UBE2O: variants seen among roughly 807,000 people sequenced by gnomAD.
The protein encoded by UBE2O is ubiquitin conjugating enzyme E2 O.
Under a neutral mutation model 125.8 loss-of-function variants are expected in UBE2O, and 15 were observed. That is an observed-to-expected ratio of 0.12 (90% CI 0.08 to 0.18). The LOEUF (loss-of-function observed/expected upper bound fraction) is 0.18, where lower values mean the gene tolerates loss of function less well. UBE2O is among the 10% of genes least tolerant of loss of function. UBE2O has a pLI of 1.00. For synonymous variants in UBE2O, 708 were observed against 703.2 expected, an observed-to-expected ratio of 1.01 and a Z score of -0.11; for missense variants, 1,280 against 1,723.6, an observed-to-expected ratio of 0.74 and a Z score of 4.56.
At chr17:76,420,513 C>CA (rs1333109499) in intron 1 of UBE2O, among the ~76,000 whole-genome samples, 2 of 152,270 alleles carry the variant, frequency 1.3e-5, no homozygotes, top group East Asian at 3.9e-4. Context: ...ACCCTACATG[C>CA]AGGCCAGGAG....
At chr17:76,401,182 C>T in intron 5 of UBE2O, 28 bp from the exon 6 acceptor site, 2 of 1,610,400 alleles carry the variant, frequency 1.2e-6, no homozygotes, top group Non-Finnish European at 1.7e-6. Flanking sequence ...AAAGGAAAGT[C>T]CCCGTGAGCG....
chr17:76,433,214 G>GGATACACAA (rs2072931233), intron 1 of UBE2O, among the ~76,000 whole-genome samples: 1 of 151,588 alleles, frequency 6.6e-6, no homozygotes, highest in Non-Finnish European at 1.5e-5. Context: ...ACTAATGAAT[G>GGATACACAA]GATACACAAA....
chr17:76,393,081 G>A (rs1484836801), intron 15 of UBE2O, among the ~76,000 whole-genome samples: 1 of 151,486 alleles, frequency 6.6e-6, no homozygotes, highest in African/African-American at 2.4e-5. Flanking sequence ...CAACATAGTG[G>A]GACCCTATCT....
chr17:76,405,377 C>T lies in UBE2O; in HGVS notation c.478-61G>A. 1 of 1,540,810 alleles carries T rather than the reference C, an allele frequency of 6.5e-7. No individual in the cohort carries two copies. Among genetic ancestry groups the T allele is most frequent in the Non-Finnish European group, 8.9e-7 (1 of 1,123,672 alleles). Reference sequence around the variant, plus strand: ...CAGCAGCCCTGGTCACCAGGGGAGACCCAGCCCAGGCAACCCCAGCGCACC... The same window carrying T: ...CAGCAGCCCTGGTCACCAGGGGAGATCCAGCCCAGGCAACCCCAGCGCACC... On this transcript the variant is annotated intron_variant, in intron 2 of 17. Transcript: ENST00000319380. This position sits in a 1 kb window ranked among gnomAD's most constrained non-coding sequence, Gnocchi z 6.1.
intron 1 of UBE2O, among the ~76,000 whole-genome samples, chr17:76,419,526 G>A (rs771538002): frequency 3.9e-5 from 6 of 152,108 alleles, no homozygotes; most frequent in Admixed American, 3.3e-4. Flanking sequence ...GGCACTCCCT[G>A]ACACACCCTT....
At chr17:76,397,144 C>T (rs1173079649) in intron 13 of UBE2O, among the ~76,000 whole-genome samples, 1 of 152,226 alleles carries the variant, frequency 6.6e-6, no homozygotes, top group Admixed American at 6.5e-5. Context: ...CAGTCCCACA[C>T]CTGAAAAGCG....
chr17:76,401,277 C>T lies in UBE2O; in HGVS notation c.751-123G>A, dbSNP rs569980538. 1.6e-5 allele frequency: 19 copies of T among 1,159,446 alleles called. No individual in the cohort carries two copies. In the East Asian group the frequency reaches 2.1e-4, roughly 13 times the overall value. 71.8% of individuals were successfully genotyped at this position (1,159,446 alleles called of 1,614,324 possible). Reference sequence around the variant, plus strand: ...AGCCCACTCACACACACGCCCCACACGCCCTAAAACAAGTCCTGTGGCTCC... The same window carrying T: ...AGCCCACTCACACACACGCCCCACATGCCCTAAAACAAGTCCTGTGGCTCC... On this transcript the variant is annotated intron_variant, in intron 5 of 17. Coordinates refer to ENST00000319380, the MANE Select transcript of UBE2O (RefSeq NM_022066.4).
At chr17:76,419,930 C>T (rs1265331223) in intron 1 of UBE2O, among the ~76,000 whole-genome samples, 2 of 152,232 alleles carry the variant, frequency 1.3e-5, no homozygotes, top group East Asian at 1.9e-4. Context: ...CCCCATTCCT[C>T]GGCCATGGCC....
At chr17:76,401,296 T>C in intron 5 of UBE2O, 142 bp from the exon 6 acceptor site, 3 of 987,306 alleles carry the variant, frequency 3.0e-6, no homozygotes, top group Non-Finnish European at 4.4e-6. Context: ...ACAAGTCCTG[T>C]GGCTCCACAT....
At chr17:76,436,220 C>G (rs1378101548) in intron 1 of UBE2O, among the ~76,000 whole-genome samples, 2 of 152,082 alleles carry the variant, frequency 1.3e-5, no homozygotes, top group Non-Finnish European at 2.9e-5. Context: ...GCACTCCAGC[C>G]TGGGCAACAA....
At position 76,396,887 on chromosome 17, in the gene UBE2O, G is replaced by A; in HGVS notation, c.2116-66C>T. ...GTCACCTCCCCACCACTAAGGAGGA[G>A]CTCTGGGGATCCCTGATCCGCACAG... is the stretch of plus-strand genomic sequence containing the variant. On this transcript the variant is annotated intron_variant, in intron 13 of 17. Transcript: ENST00000319380. The surrounding 1 kb of genome is among the most constrained non-coding windows in gnomAD (Gnocchi z 6.7). 7.1e-7 allele frequency: 1 copy of A among 1,402,444 alleles called. No homozygotes were observed. The highest frequency in any genetic ancestry group is 9.7e-7 in the Non-Finnish European group (1 of 1,032,850). The allele number at this position is 1,402,444 out of a possible 1,614,324, so 86.9% of individuals were successfully genotyped here. A position where few individuals can be genotyped will look rare whatever the true frequency, so the allele number is the denominator to read the frequency against.
chr17:76,434,839 G>A (rs2072962910), intron 1 of UBE2O, among the ~76,000 whole-genome samples: 1 of 149,458 alleles, frequency 6.7e-6, no homozygotes, highest in East Asian at 2.0e-4. Context: ...CCTCACAAAG[G>A]TCTTCTGGGT....
At chr17:76,397,065 C>G (rs888201185) in intron 13 of UBE2O, among the ~76,000 whole-genome samples, 4 of 152,214 alleles carry the variant, frequency 2.6e-5, no homozygotes, top group African/African-American at 9.7e-5. Context: ...GTGGTCTGTT[C>G]CAGCCTCTCC....
intron 1 of UBE2O, among the ~76,000 whole-genome samples, chr17:76,427,085 C>A (rs56146061): frequency 0.47 from 70,948 of 151,928 alleles, 19,063 homozygotes; most frequent in Non-Finnish European, 0.6. Flanking sequence ...ACTGTTGAAC[C>A]TGGGGAGTAA....
chr17:76,430,839 C>A, intron 1 of UBE2O: 1 of 384,618 alleles, frequency 2.6e-6, no homozygotes, highest in Non-Finnish European at 5.0e-6. Context: ...CCACTGATAC[C>A]TCTGACCCTG....
chr17:76,401,909 C>T, intron 5 of UBE2O, 155 bp downstream of exon 5: 2 of 351,252 alleles, frequency 5.7e-6, no homozygotes, highest in Non-Finnish European at 1.0e-5. Context: ...CTAATACTTT[C>T]TGCCTATACC....
At chr17:76,440,396 C>T (rs1194167085) in intron 1 of UBE2O, among the ~76,000 whole-genome samples, 2 of 152,242 alleles carry the variant, frequency 1.3e-5, no homozygotes, top group African/African-American at 2.4e-5. Flanking sequence ...CGCACGATCA[C>T]GGCCCATTGC....
intron 1 of UBE2O, among the ~76,000 whole-genome samples, chr17:76,438,310 A>C (rs1248135966): frequency 6.6e-6 from 1 of 152,160 alleles, no homozygotes; most frequent in Non-Finnish European, 1.5e-5. Context: ...TGAACTGTTT[A>C]TTTAAAAATG....
intron 5 of UBE2O, 180 bp downstream of exon 5, chr17:76,401,873 CAAAAAAAAAAA>C (rs71280851): frequency 2.6e-5 from 4 of 152,610 alleles, no homozygotes; most frequent in Non-Finnish European, 4.7e-5. Flanking sequence ...GACTCTGTCT[CAAAAAAAAAAA>C]AAAAAAAAAA....
Sources: gnomAD v4.1 joint callset for allele counts (sites outside exome capture counted in the v4.1 genomes callset) on GRCh38, gnomAD v4.1.1 for gene constraint, Gnocchi (gnomAD v3.1) non-coding constraint, MANE v1.5 for transcripts, NCBI Gene and HGNC (gene_info 2026-07-23, HGNC 2026-07-21) for gene names.